The following FAM193B variants were observed in gnomAD, a reference collection of about 807,000 sequenced individuals.
The protein encoded by FAM193B is protein FAM193B.
In FAM193B, 27 loss-of-function variants were observed where a neutral mutation model predicts 70.7. That is an observed-to-expected ratio of 0.38 (90% confidence interval 0.28 to 0.53). The LOEUF is 0.53. Among genes scored for constraint, FAM193B ranks in the 20% least tolerant of loss-of-function variants. FAM193B has a pLI of 0.81. For missense variants in FAM193B, 1,022 were observed against 1,072.5 expected, an observed-to-expected ratio of 0.95 and a Z score of 0.66; for synonymous variants, 448 against 436.0, an observed-to-expected ratio of 1.03 and a Z score of -0.34.
Position 177,524,869 on chromosome 5 carries a change from T to C in FAM193B, c.1612A>G (p.Thr538Ala). The C allele has an allele frequency of 6.6e-7, 1 of 1,510,156 alleles. No individual in the cohort carries two copies. Among genetic ancestry groups the C allele is most frequent in the Non-Finnish European group, 8.8e-7 (1 of 1,131,326 alleles). 93.5% of individuals were successfully genotyped at this position (1,510,156 alleles called of 1,614,324 possible). Residue 538 changes from threonine to alanine, a missense_variant, in exon 6 of 9, where the codon ACT (threonine) becomes GCT (alanine). By Grantham distance (58) the Thr-to-Ala change is moderately conservative. Coordinates refer to ENST00000514747, the MANE Select transcript of FAM193B (RefSeq NM_001190946.3). ...PDINLDLSPL[T>A]LGSPQNHTLQ... ...GTGTGGTTCTGAGGGGAGCCCAAAG[T>C]CAAAGGGGACAGGTCAAGGTTGATG...
At chr5:177,531,837 G>A in intron 5 of FAM193B, 1 of 1,135,968 alleles carries the variant, frequency 8.8e-7, no homozygotes, top group South Asian at 1.6e-5. Context: ...CCTCAATTTT[G>A]TCATCTCTAA....
At position 177,532,346 on chromosome 5, in the gene FAM193B, C is replaced by T; in HGVS notation, c.1275+97G>A. 2.0e-6 allele frequency: 3 copies of T among 1,504,026 alleles called. No homozygotes were observed. The highest frequency in any genetic ancestry group is 1.8e-6 in the Non-Finnish European group (2 of 1,125,058). 93.2% of individuals were successfully genotyped at this position (1,504,026 alleles called of 1,614,324 possible). A position where few individuals can be genotyped will look rare whatever the true frequency, so the allele number is the denominator to read the frequency against. ...ACTCACGGCCCCAGCACGGTAATTACCACCGTGAGCAACGGGGTCTCTGGG... is the reference window on the plus strand; with the variant it reads ...ACTCACGGCCCCAGCACGGTAATTATCACCGTGAGCAACGGGGTCTCTGGG... On this transcript the variant is annotated intron_variant, in intron 5 of 8. Transcript: ENST00000514747. This position sits in a 1 kb window ranked among gnomAD's most constrained non-coding sequence, Gnocchi z 4.9.
chr5:177,527,591 G>A (rs978239379), intron 5 of FAM193B, among the ~76,000 whole-genome samples: 4 of 152,198 alleles, frequency 2.6e-5, no homozygotes, highest in Non-Finnish European at 4.4e-5. Flanking sequence ...TCCATGCATC[G>A]CTCCATTTCA....
At position 177,532,943 on chromosome 5, in the gene FAM193B, G is replaced by A. The variant is rs74581127; in HGVS notation, c.1077-302C>T. On this transcript the variant is annotated intron_variant, in intron 4 of 8. Transcript: ENST00000514747. This position sits in a 1 kb window ranked among gnomAD's most constrained non-coding sequence, Gnocchi z 4.9. ...CACGTCACTCCATCTTCTGCTTATT[G>A]TGCGTCACTGTCATGGTCTGTTTGC... Among the ~76,000 whole-genome samples the A allele has an allele frequency of 5.8e-3, 879 of 152,302 alleles. 4 individuals are homozygous for A. The highest frequency in any genetic ancestry group is 9.8e-3 in the Non-Finnish European group (668 of 68,040).
intron 5 of FAM193B, among the ~76,000 whole-genome samples, chr5:177,526,631 C>T (rs1464481949): frequency 6.6e-6 from 1 of 152,234 alleles, no homozygotes; most frequent in Non-Finnish European, 1.5e-5. Flanking sequence ...CACACACTTT[C>T]TGCTCTGTAC....
intron 4 of FAM193B, among the ~76,000 whole-genome samples, chr5:177,535,415 A>G (rs1174553878): frequency 6.6e-6 from 1 of 152,272 alleles, no homozygotes; most frequent in East Asian, 1.9e-4. Flanking sequence ...TGATAAACAC[A>G]GATCTGATTT....
At position 177,532,359 on chromosome 5, in the gene FAM193B, C is replaced by T. The variant is rs1581879263; in HGVS notation, c.1275+84G>A. ...GCACGGTAATTACCACCGTGAGCAA[C>T]GGGGTCTCTGGGGAGAGCAGGGTGC... On this transcript the variant is annotated intron_variant, in intron 5 of 8. Transcript: ENST00000514747. The surrounding 1 kb of genome is among the most constrained non-coding windows in gnomAD (Gnocchi z 4.9). The T allele has an allele frequency of 5.9e-6, 9 of 1,519,392 alleles. No individual in the cohort carries two copies. The East Asian group carries it at 9.7e-5, about 16-fold the overall frequency. 94.1% of individuals were successfully genotyped at this position (1,519,392 alleles called of 1,614,324 possible).
chr5:177,542,595 ATC>A (rs1764980343), intron 1 of FAM193B, among the ~76,000 whole-genome samples: 1 of 152,126 alleles, frequency 6.6e-6, no homozygotes, highest in African/African-American at 2.4e-5. Flanking sequence ...TCCCAAAATA[ATC>A]TCTGCCTTTT....
chr5:177,524,712 A>G lies in FAM193B; in HGVS notation c.1769T>C (p.Val590Ala), dbSNP rs201036666. The stretch of plus-strand genomic sequence containing the variant: ...CCAGATCACCCGGGATAGGTTGGGC[A>G]CGGTGTTGAGTCTCCTCACGAGCCC... ...ENGLVRRLNT[V>A]PNLSRVIWVK... Residue 590 changes from valine to alanine, a missense_variant, in exon 6 of 9, where the codon GTG becomes GCG. By Grantham distance (64) the Val-to-Ala change is moderately conservative. Transcript: ENST00000514747. 589 of 1,590,460 alleles carry G rather than the reference A, an allele frequency of 3.7e-4. 2 individuals carry two copies. In the African/African-American group the frequency reaches 6.5e-3, roughly 18 times the overall value.
At chr5:177,549,253 C>T (rs1350333566) in intron 1 of FAM193B, among the ~76,000 whole-genome samples, 4 of 144,978 alleles carry the variant, frequency 2.8e-5, no homozygotes, top group South Asian at 4.3e-4. Context: ...AGTGCAGTGG[C>T]GCGATCTTGG....
chr5:177,543,076 A>T (rs1765042334), intron 1 of FAM193B, among the ~76,000 whole-genome samples: 1 of 152,228 alleles, frequency 6.6e-6, no homozygotes, highest in African/African-American at 2.4e-5. Flanking sequence ...AACCGCGTTA[A>T]GAGTAAAAGA....
At chr5:177,535,464 C>A (rs559943297) in intron 4 of FAM193B, among the ~76,000 whole-genome samples, 2 of 152,360 alleles carry the variant, frequency 1.3e-5, no homozygotes, top group South Asian at 2.1e-4. Context: ...CCAAAGAATT[C>A]TCTTTCAAAT....
At chr5:177,547,714 C>G (rs1215784132) in intron 1 of FAM193B, among the ~76,000 whole-genome samples, 1 of 152,154 alleles carries the variant, frequency 6.6e-6, no homozygotes, top group African/African-American at 2.4e-5. Flanking sequence ...GTTCCACCAG[C>G]CCCTTCTTTC....
intron 7 of FAM193B, among the ~76,000 whole-genome samples, chr5:177,522,387 C>T (rs990288028): frequency 3.3e-5 from 5 of 152,220 alleles, no homozygotes; most frequent in Non-Finnish European, 7.3e-5. Flanking sequence ...TCTGAATCTG[C>T]TGGGGATTAG....
At chr5:177,534,071 A>C (rs1224626249) in intron 4 of FAM193B, among the ~76,000 whole-genome samples, 2 of 152,224 alleles carry the variant, frequency 1.3e-5, no homozygotes, top group Non-Finnish European at 2.9e-5. Context: ...CGCTGGGCTG[A>C]GGCTGAGGTG....
At chr5:177,522,366 A>G (rs1472302656) in intron 7 of FAM193B, among the ~76,000 whole-genome samples, 5 of 152,156 alleles carry the variant, frequency 3.3e-5, no homozygotes, top group Admixed American at 3.3e-4. Flanking sequence ...TCCCTTAAGT[A>G]CAGTCGTCCC....
intron 1 of FAM193B, among the ~76,000 whole-genome samples, chr5:177,544,408 T>A (rs1765182166): frequency 6.6e-6 from 1 of 152,230 alleles, no homozygotes; most frequent in Non-Finnish European, 1.5e-5. Context: ...GCCACTTTTT[T>A]TCATGGAACA....
intron 5 of FAM193B, chr5:177,531,211 G>C (rs908057705): frequency 5.0e-6 from 6 of 1,199,442 alleles, no homozygotes; most frequent in Non-Finnish European, 6.4e-6. Flanking sequence ...TCATGCCCCA[G>C]AAGTCCTGGG....
intron 1 of FAM193B, among the ~76,000 whole-genome samples, chr5:177,544,844 T>C (rs974172884): frequency 6.6e-6 from 1 of 152,204 alleles, no homozygotes; most frequent in Non-Finnish European, 1.5e-5. Context: ...TCAAATTCAA[T>C]AATGGAAATT....
Sources: gnomAD v4.1 joint callset for allele counts (sites outside exome capture counted in the v4.1 genomes callset) on GRCh38, gnomAD v4.1.1 for gene constraint, Gnocchi (gnomAD v3.1) non-coding constraint, MANE v1.5 for transcripts, NCBI Gene and HGNC (gene_info 2026-07-23, HGNC 2026-07-21) for gene names.